The following BANK1 variants were observed in gnomAD, a reference collection of about 807,000 sequenced individuals.
The protein encoded by BANK1 is B-cell scaffold protein with ankyrin repeats.
BANK1 carries 95 observed loss-of-function variants against 94.5 expected under a neutral mutation model. The ratio of observed to expected loss-of-function variants is 1.00; its 90% CI spans 0.85 to 1.19. The LOEUF (loss-of-function observed/expected upper bound fraction) is 1.19. Among genes scored for constraint, BANK1 ranks in the 50% most tolerant of loss-of-function variants. The probability of loss-of-function intolerance (pLI) is 0.00; values close to 1 mark genes in which losing one functional copy is unlikely to be tolerated. For missense variants in BANK1, 987 were observed against 932.2 expected (o/e 1.06, Z -0.77); for synonymous variants, 334 against 308.4 (o/e 1.08, Z -0.87).
At chr4:101,927,486 C>A (rs924571322) in intron 7 of BANK1, among the ~76,000 whole-genome samples, 2 of 151,488 alleles carry the variant, frequency 1.3e-5, no homozygotes, top group Non-Finnish European at 3.0e-5. Flanking sequence ...CCATACAGGG[C>A]AAGAAGGACA....
intron 3 of BANK1, among the ~76,000 whole-genome samples, chr4:101,855,822 A>T (rs1293206254): frequency 6.6e-6 from 1 of 152,200 alleles, no homozygotes; most frequent in Non-Finnish European, 1.5e-5. Context: ...GTTAGAAGAG[A>T]TAGTCCTTCA....
chr4:102,010,612 C>T (rs1010183007), intron 7 of BANK1, among the ~76,000 whole-genome samples: 14 of 151,884 alleles, frequency 9.2e-5, no homozygotes, highest in African/African-American at 2.4e-4. Flanking sequence ...AGGCTGGTCT[C>T]GAACTCCTGA....
At chr4:101,802,603 A>T (rs1725393311) in intron 1 of BANK1, among the ~76,000 whole-genome samples, 1 of 152,186 alleles carries the variant, frequency 6.6e-6, no homozygotes, top group South Asian at 2.1e-4. Context: ...GTTTGTATGT[A>T]GTAATGACCT....
chr4:102,032,714 C>T lies in BANK1; in HGVS notation c.1900+2449C>T, dbSNP rs1727361195. ...CCTGGCTAACATGATGAAACCCCGTCTCTACTAAAAATACAAAAAAGTTAC... is the reference window on the plus strand; with the variant it reads ...CCTGGCTAACATGATGAAACCCCGTTTCTACTAAAAATACAAAAAAGTTAC... On this transcript the variant is annotated intron_variant, in intron 10 of 16. Coordinates refer to ENST00000322953, the MANE Select transcript of BANK1 (RefSeq NM_017935.5). Among the ~76,000 whole-genome samples, 5 of 151,984 alleles carry T rather than the reference C, an allele frequency of 3.3e-5. No individual in the cohort carries two copies. In the South Asian group the frequency reaches 1.0e-3, roughly 32 times the overall value.
chr4:101,858,673 T>G (rs560664059), intron 3 of BANK1, among the ~76,000 whole-genome samples: 2 of 152,190 alleles, frequency 1.3e-5, no homozygotes, highest in Non-Finnish European at 2.9e-5. Flanking sequence ...TAGAGACATT[T>G]GAAAAACCAG....
At chr4:101,957,687 A>G (rs558525992) in intron 7 of BANK1, among the ~76,000 whole-genome samples, 2 of 152,318 alleles carry the variant, frequency 1.3e-5, no homozygotes, top group African/African-American at 4.8e-5. Context: ...CTTGAATTTT[A>G]TTTAATGTAT....
At chr4:101,880,193 A>G (rs114659045) in intron 5 of BANK1, among the ~76,000 whole-genome samples, 3,913 of 152,164 alleles carry the variant, frequency 0.026, 179 homozygotes, top group African/African-American at 0.09. Flanking sequence ...GAAAAAAACT[A>G]AAGACTTCAC....
At chr4:101,971,997 A>G (rs1724974094) in intron 7 of BANK1, among the ~76,000 whole-genome samples, 1 of 151,928 alleles carries the variant, frequency 6.6e-6, no homozygotes, top group Non-Finnish European at 1.5e-5. Context: ...TAACTTTAGG[A>G]TCGTTTTTTC....
chr4:101,902,216 C>G (rs1722311041), intron 6 of BANK1, among the ~76,000 whole-genome samples: 2 of 152,246 alleles, frequency 1.3e-5, no homozygotes, highest in South Asian at 4.1e-4. Flanking sequence ...GAAAAATAAG[C>G]ATGACCTCTA....
In BANK1 at chr4:101,970,426, G is replaced by A. The variant is rs570685557; in HGVS notation, c.1207-51088G>A. 2.0e-5 allele frequency among the ~76,000 whole-genome samples: 3 copies of A among 152,144 alleles called. No homozygotes were observed. In the East Asian group the frequency reaches 5.8e-4, roughly 29 times the overall value. On this transcript the variant is annotated intron_variant, in intron 7 of 16. Coordinates refer to ENST00000322953, the MANE Select transcript of BANK1 (RefSeq NM_017935.5). ...GGAAAGTTAAAGTAACTGTGAAAAA[G>A]TTTCAGAAATGAGAAATCCCCAATT...
chr4:101,803,262 G>A (rs1479326939), intron 1 of BANK1, among the ~76,000 whole-genome samples: 2 of 152,076 alleles, frequency 1.3e-5, no homozygotes, highest in African/African-American at 4.8e-5. Flanking sequence ...ATGCCATAGT[G>A]TAAATAAAGT....
chr4:101,827,781 C>T (rs1726421129), intron 1 of BANK1, among the ~76,000 whole-genome samples: 1 of 151,908 alleles, frequency 6.6e-6, no homozygotes, highest in Non-Finnish European at 1.5e-5. Context: ...TTCACTTTCC[C>T]TTTCCCCAAA....
chr4:101,843,524 C>A (rs929122120), intron 2 of BANK1, among the ~76,000 whole-genome samples: 5 of 152,154 alleles, frequency 3.3e-5, no homozygotes, highest in Non-Finnish European at 5.9e-5. Context: ...TTTCCCATAA[C>A]CCTGGAACCC....
chr4:101,927,142 A>T (rs1578402784), intron 7 of BANK1, among the ~76,000 whole-genome samples: 1 of 151,688 alleles, frequency 6.6e-6, no homozygotes, highest in African/African-American at 2.4e-5. Context: ...GTTCCACATG[A>T]CTGGGGAGAC....
intron 6 of BANK1, among the ~76,000 whole-genome samples, chr4:101,909,197 G>A (rs541456194): frequency 4.6e-5 from 7 of 152,250 alleles, no homozygotes; most frequent in African/African-American, 1.7e-4. Context: ...ATACACCATG[G>A]AATACTATGC....
chr4:101,925,627 T>C (rs1171351419), intron 7 of BANK1, among the ~76,000 whole-genome samples: 1 of 151,770 alleles, frequency 6.6e-6, no homozygotes, highest in African/African-American at 2.4e-5. Flanking sequence ...CTTTTATACA[T>C]TTGCTTCACA....
intron 1 of BANK1, among the ~76,000 whole-genome samples, 185 bp downstream of exon 1, chr4:101,791,135 G>T (rs111282356): frequency 2.6e-5 from 4 of 152,334 alleles, no homozygotes; most frequent in African/African-American, 9.6e-5. Flanking sequence ...TGACTTCTCT[G>T]AGGGGCATCT....
rs867341373 is a variant in BANK1 at position 101,883,752 on chromosome 4, A to G, written c.904-11553A>G. On this transcript the variant is annotated intron_variant, in intron 5 of 16. Coordinates refer to ENST00000322953, the MANE Select transcript of BANK1 (RefSeq NM_017935.5). ...TCTTAAACAAGAAGAAACGTTTTAA[A>G]ACAATCCAGAAAAACAAAGCACAAG... Among the ~76,000 whole-genome samples the G allele has an allele frequency of 2.0e-4, 30 of 152,350 alleles. 1 individual carries two copies. In the South Asian group the frequency reaches 5.2e-3, roughly 26 times the overall value.
chr4:101,912,185 T>C (rs541503612), intron 6 of BANK1, among the ~76,000 whole-genome samples: 27 of 152,264 alleles, frequency 1.8e-4, no homozygotes, highest in African/African-American at 6.5e-4. Context: ...TCTGAAATTC[T>C]TTGAAATTCT....
Sources: gnomAD v4.1 joint callset for allele counts (sites outside exome capture counted in the v4.1 genomes callset) on GRCh38, gnomAD v4.1.1 for gene constraint, MANE v1.5 for transcripts, NCBI Gene and HGNC (gene_info 2026-07-23, HGNC 2026-07-21) for gene names.